WDR27: variants seen among roughly 807,000 people sequenced by gnomAD.
WDR27 encodes WD repeat-containing protein 27.
A neutral mutation model predicts 114.4 loss-of-function variants in WDR27; 100 were observed. That is an observed-to-expected ratio of 0.87 (90% CI 0.74 to 1.03). The LOEUF (loss-of-function observed/expected upper bound fraction) is 1.03, where lower values mean the gene tolerates loss of function less well. Among genes scored for constraint, WDR27 ranks in the 50% least tolerant of loss-of-function variants. The pLI, the probability that WDR27 is intolerant of heterozygous loss-of-function variation, is 0.00. For synonymous variants in WDR27, 449 were observed against 423.1 expected (o/e 1.06, Z -0.75); for missense variants, 1,129 against 1,092.9 (o/e 1.03, Z -0.47).
At chr6:169,582,147 T>C (rs544904649) in intron 24 of WDR27, among the ~76,000 whole-genome samples, 1 of 152,252 alleles carries the variant, frequency 6.6e-6, no homozygotes, top group East Asian at 1.9e-4. Flanking sequence ...CTCATTTTTG[T>C]ATTTTTTAGT....
chr6:169,629,407 A>G (rs1014903329), intron 21 of WDR27, among the ~76,000 whole-genome samples: 1 of 152,216 alleles, frequency 6.6e-6, no homozygotes, highest in African/African-American at 2.4e-5. Context: ...CCCAGAAAGA[A>G]AAGAACAAAA....
At chr6:169,444,021 G>A in the WDR27 span, among the ~76,000 whole-genome samples, 4 of 152,142 alleles carry the variant, frequency 2.6e-5, no homozygotes, top group Non-Finnish European at 4.4e-5. Flanking sequence ...TGCAGTCAAC[G>A]TGCTCAGATG....
At chr6:169,557,534 C>T (rs750347909) in intron 25 of WDR27, among the ~76,000 whole-genome samples, 3 of 152,234 alleles carry the variant, frequency 2.0e-5, no homozygotes, top group Non-Finnish European at 2.9e-5. Context: ...AGAACATGTG[C>T]TTATTCAGTG....
At chr6:169,427,576 C>T in the WDR27 span, among the ~76,000 whole-genome samples, 1 of 152,108 alleles carries the variant, frequency 6.6e-6, no homozygotes, top group Admixed American at 6.6e-5. Context: ...ACTCCTGGGT[C>T]TCTGGTGTCT....
intron 2 of WDR27, among the ~76,000 whole-genome samples, chr6:169,687,853 T>C (rs1035563721): frequency 1.3e-5 from 2 of 152,190 alleles, no homozygotes; most frequent in Admixed American, 6.5e-5. Context: ...AAAAAATTCA[T>C]GTATAAGTGA....
intron 17 of WDR27, among the ~76,000 whole-genome samples, chr6:169,640,780 G>A (rs1429733158): frequency 6.6e-6 from 1 of 151,948 alleles, no homozygotes; most frequent in Non-Finnish European, 1.5e-5. Flanking sequence ...GCCATGTGGC[G>A]CACTGTCTTC....
At chr6:169,489,525 C>T (rs896444238) in intron 25 of WDR27, among the ~76,000 whole-genome samples, 3 of 152,158 alleles carry the variant, frequency 2.0e-5, no homozygotes, top group African/African-American at 4.8e-5. Context: ...CTGTGATCTA[C>T]AGATTTCGGA....
chr6:169,488,020 G>GA (rs1184488353), intron 25 of WDR27, among the ~76,000 whole-genome samples: 2 of 152,216 alleles, frequency 1.3e-5, no homozygotes, highest in African/African-American at 4.8e-5. Context: ...GGGGTCATGA[G>GA]AAAATCACAG....
intron 25 of WDR27, among the ~76,000 whole-genome samples, chr6:169,479,803 C>A (rs1787705095): frequency 6.6e-6 from 1 of 152,220 alleles, no homozygotes. Context: ...GAGATTATTT[C>A]ATCACCCAGG....
At chr6:169,531,717 G>A (rs1260657023) in intron 25 of WDR27, among the ~76,000 whole-genome samples, 1 of 150,258 alleles carries the variant, frequency 6.7e-6, no homozygotes, top group Non-Finnish European at 1.5e-5. Flanking sequence ...GCAGTGGTGC[G>A]ATCTCAGCTC....
At chr6:169,529,463 A>C (rs181903753) in intron 25 of WDR27, among the ~76,000 whole-genome samples, 80 of 152,352 alleles carry the variant, frequency 5.3e-4, no homozygotes, top group African/African-American at 1.9e-3. Context: ...TCTGAAGTTA[A>C]AAAATAATTA....
Position 169,670,619 on chromosome 6 carries a change from G to T in WDR27, c.406C>A (p.His136Asn). 2 of 1,613,910 alleles carry T rather than the reference G, an allele frequency of 1.2e-6. No individual in the cohort carries two copies. Among genetic ancestry groups the T allele is most frequent in the Non-Finnish European group, 1.7e-6 (2 of 1,179,874 alleles). Reference sequence around the variant, plus strand: ...TTTCCAGCACACACGGCAACAACATGATCATCCAGGCTCAACTGTAAACAC... The same window carrying T: ...TTTCCAGCACACACGGCAACAACATTATCATCCAGGCTCAACTGTAAACAC... ...VLCLQLSLDD[H>N]VVAVCAGNKI... Residue 136 changes from histidine to asparagine, a missense_variant, in exon 4 of 26, where the codon CAT becomes AAT. Transcript: ENST00000448612.
chr6:169,666,310 C>T (rs949184548), intron 6 of WDR27: 12 of 869,102 alleles, frequency 1.4e-5, no homozygotes, highest in Admixed American at 6.2e-5. Flanking sequence ...CACATGGATA[C>T]ATTAACCTCA....
chr6:169,563,042 G>A (rs1356623896), intron 25 of WDR27, among the ~76,000 whole-genome samples: 1 of 152,146 alleles, frequency 6.6e-6, no homozygotes, highest in African/African-American at 2.4e-5. Flanking sequence ...AAAATAATCA[G>A]AGATCACAGT....
At chr6:169,624,084 G>A (rs1279669243) in intron 21 of WDR27, among the ~76,000 whole-genome samples, 5 of 151,806 alleles carry the variant, frequency 3.3e-5, no homozygotes, top group East Asian at 3.9e-4. Flanking sequence ...GGTGTGCCGT[G>A]TGCAGCATGT....
chr6:169,659,297 T>G lies in WDR27; in HGVS notation c.1198-90A>C. 1 of 1,554,492 alleles carries G rather than the reference T, an allele frequency of 6.4e-7. No individual in the cohort carries two copies. Among genetic ancestry groups the G allele is most frequent in the South Asian group, 1.2e-5 (1 of 82,018 alleles). On this transcript the variant is annotated intron_variant, in intron 11 of 25. Coordinates refer to ENST00000448612, the MANE Select transcript of WDR27 (RefSeq NM_182552.5). The surrounding 1 kb of genome is among the most constrained non-coding windows in gnomAD (Gnocchi z 4.3). The stretch of plus-strand genomic sequence containing the variant: ...CCGCACACGTATCCTAACAGCTGCT[T>G]CATTCTCATAGCAGCGACATCGCCC...
chr6:169,655,210 G>T lies in WDR27; in HGVS notation c.1402+3066C>A, dbSNP rs58489946. On this transcript the variant is annotated intron_variant, in intron 13 of 25. Transcript: ENST00000448612. The stretch of plus-strand genomic sequence containing the variant: ...CAGCGTCCAGCGACATGCAGCCATG[G>T]CAAGAGCTCCGGGCAGGAGAGGCGG... Among the ~76,000 whole-genome samples the T allele has an allele frequency of 7.8e-3, 1,187 of 152,334 alleles. 19 individuals are homozygous for T. The highest frequency in any genetic ancestry group is 0.027 in the African/African-American group (1,141 of 41,580).
rs1794226227 is a variant in WDR27 at position 169,520,424 on chromosome 6, TA to T, written c.2645+51994del. On this transcript the variant is annotated intron_variant, in intron 25 of 25. Coordinates refer to ENST00000448612, the MANE Select transcript of WDR27 (RefSeq NM_182552.5). ...AGAATTTTTTAGTAAACATATCTGA[TA>T]AAAAATCAAAACAAACCAGATAGAG... 2.0e-5 allele frequency among the ~76,000 whole-genome samples: 3 copies of T among 151,966 alleles called. No homozygotes were observed. The South Asian group carries it at 6.2e-4, about 32-fold the overall frequency.
chr6:169,478,690 T>A (rs80151119), intron 25 of WDR27, among the ~76,000 whole-genome samples: 4,651 of 151,756 alleles, frequency 0.031, 215 homozygotes, highest in African/African-American at 0.1. Flanking sequence ...ACTGGTAAAA[T>A]CAACAACAAC....
Sources: gnomAD v4.1 joint callset for allele counts (sites outside exome capture counted in the v4.1 genomes callset) on GRCh38, gnomAD v4.1.1 for gene constraint, Gnocchi (gnomAD v3.1) non-coding constraint, MANE v1.5 for transcripts, NCBI Gene and HGNC (gene_info 2026-07-23, HGNC 2026-07-21) for gene names.